ORC5: variants seen among roughly 807,000 people sequenced by gnomAD.
ORC5 encodes origin recognition complex subunit 5.
A neutral mutation model predicts 58.8 loss-of-function variants in ORC5; 39 were observed. The observed-to-expected ratio is 0.66, with a 90% CI of 0.51 to 0.87. The LOEUF (loss-of-function observed/expected upper bound fraction) is 0.87. ORC5 is among the 40% of genes least tolerant of loss of function. The pLI is 0.00. For missense variants in ORC5, 493 were observed against 506.3 expected (o/e 0.97, Z 0.25); for synonymous variants, 218 against 177.6 (o/e 1.23, Z -1.81).
chr7:104,202,608 T>G (rs1799972080), intron 2 of ORC5: 13 of 432,394 alleles, frequency 3.0e-5, no homozygotes, highest in South Asian at 2.0e-4. Context: ...GAAACTACAG[T>G]GTGATAAAAA....
intron 5 of ORC5, among the ~76,000 whole-genome samples, chr7:104,191,835 G>A (rs866373703): frequency 2.6e-5 from 4 of 152,224 alleles, no homozygotes; most frequent in Middle Eastern, 3.4e-3. Flanking sequence ...CACTATCCAA[G>A]TATAGGCTAA....
At chr7:104,173,709 C>A (rs567063431) in intron 8 of ORC5, among the ~76,000 whole-genome samples, 8 of 152,260 alleles carry the variant, frequency 5.3e-5, no homozygotes, top group Admixed American at 3.3e-4. Context: ...GGACAAGTGT[C>A]CTTCTGGTTT....
At chr7:104,199,003 G>A (rs1799867480) in intron 3 of ORC5, among the ~76,000 whole-genome samples, 1 of 152,252 alleles carries the variant, frequency 6.6e-6, no homozygotes, top group African/African-American at 2.4e-5. Flanking sequence ...GGGCCTGCAG[G>A]TGCACAGCAA....
chr7:104,134,794 TG>T (rs999171029), intron 13 of ORC5, among the ~76,000 whole-genome samples: 21 of 151,938 alleles, frequency 1.4e-4, no homozygotes, highest in East Asian at 1.4e-3. Flanking sequence ...CTAAGGCACA[TG>T]GGAGGGAGGG....
rs975461087 is a variant in ORC5, at chr7:104,129,152, T to C, written c.1263-2259A>G. Among the ~76,000 whole-genome samples, 23 of 152,272 alleles carry C rather than the reference T, an allele frequency of 1.5e-4. No individual in the cohort carries two copies. The highest frequency in any genetic ancestry group is 5.5e-4 in the African/African-American group (23 of 41,560). On this transcript the variant is annotated intron_variant, in intron 13 of 13. Coordinates refer to ENST00000297431, the MANE Select transcript of ORC5 (RefSeq NM_002553.4). The surrounding 1 kb of genome is among the most constrained non-coding windows in gnomAD (Gnocchi z 4.9). ...TGGACTAGTACTAGAAGAGCACAAA[T>C]ACATGAAAATATTGTGATGTCTGTA...
intron 12 of ORC5, among the ~76,000 whole-genome samples, chr7:104,153,505 A>G (rs1798878146): frequency 6.6e-6 from 1 of 152,198 alleles, no homozygotes; most frequent in African/African-American, 2.4e-5. Flanking sequence ...TTGTTAAGAA[A>G]AAAACATAGT....
At chr7:104,188,022 C>G in intron 6 of ORC5, 2 of 1,100,718 alleles carry the variant, frequency 1.8e-6, no homozygotes, top group Non-Finnish European at 2.2e-6. Flanking sequence ...TGACATTTTT[C>G]TGATCAGATC....
At chr7:104,165,680 G>A (rs1799095482) in intron 10 of ORC5, 1 of 177,042 alleles carries the variant, frequency 5.6e-6, no homozygotes, top group Non-Finnish European at 1.2e-5. Flanking sequence ...GTTAAGCACA[G>A]TTCACATAAT....
intron 6 of ORC5, chr7:104,187,979 GA>G: frequency 9.5e-7 from 1 of 1,047,890 alleles, no homozygotes; most frequent in Non-Finnish European, 1.2e-6. Flanking sequence ...TGCAATTAGA[GA>G]AAAAACAAGG....
At chr7:104,190,076 C>T (rs1362771547) in intron 5 of ORC5, among the ~76,000 whole-genome samples, 1 of 151,924 alleles carries the variant, frequency 6.6e-6, no homozygotes, top group Non-Finnish European at 1.5e-5. Flanking sequence ...CAAAAATACC[C>T]CACACATTTG....
rs750290944 is a variant in ORC5 at position 104,168,532 on chromosome 7, A to G, written c.825-7T>C. 29 of 1,535,406 alleles carry G rather than the reference A, an allele frequency of 1.9e-5. No individual in the cohort carries two copies. In the East Asian group the frequency reaches 6.6e-4, roughly 35 times the overall value. ...TAGCTTTTCCCACTGGGAACTGAAA[A>G]AAAATAGAAGAGCAAAAATGAATTA... On this transcript the variant is annotated splice_region_variant and splice_polypyrimidine_tract_variant and intron_variant, in intron 8 of 13. Coordinates refer to ENST00000297431, the MANE Select transcript of ORC5 (RefSeq NM_002553.4).
intron 5 of ORC5, among the ~76,000 whole-genome samples, chr7:104,189,688 A>G (rs1799630460): frequency 6.6e-6 from 1 of 152,124 alleles, no homozygotes; most frequent in South Asian, 2.1e-4. Context: ...AGCACACTCC[A>G]GCCCCACAGG....
At chr7:104,177,105 A>G (rs1028402550) in intron 8 of ORC5, among the ~76,000 whole-genome samples, 1 of 152,258 alleles carries the variant, frequency 6.6e-6, no homozygotes, top group Non-Finnish European at 1.5e-5. Flanking sequence ...TAACATGGAA[A>G]TAGCTTGAAC....
intron 8 of ORC5, among the ~76,000 whole-genome samples, chr7:104,178,847 A>G (rs145892423): frequency 6.6e-6 from 1 of 152,264 alleles, no homozygotes; most frequent in East Asian, 1.9e-4. Context: ...ATTAACATAT[A>G]TAATTCTGTA....
intron 8 of ORC5, among the ~76,000 whole-genome samples, chr7:104,182,123 AC>A (rs1202968745): frequency 1.3e-5 from 2 of 152,204 alleles, no homozygotes; most frequent in African/African-American, 4.8e-5. Context: ...CTATAAAATT[AC>A]TAAAAAGGGG....
intron 1 of ORC5, 38 bp downstream of exon 1, chr7:104,207,795 C>G: frequency 2.5e-6 from 4 of 1,573,340 alleles, no homozygotes; most frequent in Middle Eastern, 1.7e-4. Context: ...ACCGAAACGT[C>G]TGCCTCCAGG....
intron 13 of ORC5, 119 bp from the exon 14 acceptor site, chr7:104,127,012 A>G: frequency 1.6e-6 from 1 of 611,310 alleles, no homozygotes; most frequent in East Asian, 3.0e-5. Context: ...CTATAGTGCT[A>G]TCAAATGCAC....
intron 12 of ORC5, among the ~76,000 whole-genome samples, chr7:104,139,973 C>A (rs1041888934): frequency 6.6e-6 from 1 of 151,964 alleles, no homozygotes; most frequent in Non-Finnish European, 1.5e-5. Context: ...AGGTAACATA[C>A]ATACAGATTT....
At chr7:104,145,340 TAC>T (rs1415010218) in intron 12 of ORC5, among the ~76,000 whole-genome samples, 4 of 152,208 alleles carry the variant, frequency 2.6e-5, no homozygotes, top group African/African-American at 9.6e-5. Context: ...GGGGGAGATT[TAC>T]ACAAAGTCTG....
Sources: gnomAD v4.1 joint callset for allele counts (sites outside exome capture counted in the v4.1 genomes callset) on GRCh38, gnomAD v4.1.1 for gene constraint, Gnocchi (gnomAD v3.1) non-coding constraint, MANE v1.5 for transcripts, NCBI Gene and HGNC (gene_info 2026-07-23, HGNC 2026-07-21) for gene names.